Variants in CCDC191 observed in about 807,000 individuals in gnomAD.
CCDC191 encodes the protein coiled-coil domain containing 191, also known as coiled-coil domain-containing protein 191.
In CCDC191, 99 loss-of-function variants were observed where a neutral mutation model predicts 114.0. That is an observed-to-expected ratio of 0.87 (90% CI 0.74 to 1.03). CCDC191 has a LOEUF of 1.03. Among genes scored for constraint, CCDC191 ranks in the 50% least tolerant of loss-of-function variants. The pLI, the probability that CCDC191 is intolerant of heterozygous loss-of-function variation, is 0.00. For missense variants in CCDC191, 973 were observed against 1,087.0 expected (o/e 0.90, Z 1.47); for synonymous variants, 351 against 376.0 (o/e 0.93, Z 0.77).
chr3:114,018,625 A>C, intron 8 of CCDC191, 53 bp downstream of exon 8: 1 of 1,397,558 alleles, frequency 7.2e-7, no homozygotes, highest in Non-Finnish European at 9.8e-7. Context: ...ATTCTTCAGG[A>C]GGGAAATATC....
In CCDC191 at chr3:114,021,385, C is replaced by T. The variant is rs558352160; in HGVS notation, c.973-2517G>A. ...AAGTGACAAACCTGTATGGCAACTACTTTCTTGAAATTGACTTGCTATTGG... is the reference window on the plus strand; with the variant it reads ...AAGTGACAAACCTGTATGGCAACTATTTTCTTGAAATTGACTTGCTATTGG... On this transcript the variant is annotated intron_variant, in intron 7 of 16. Coordinates refer to ENST00000295878, the MANE Select transcript of CCDC191 (RefSeq NM_020817.2). Among the ~76,000 whole-genome samples, 3 of 152,106 alleles carry T rather than the reference C, an allele frequency of 2.0e-5. No homozygotes were observed. The South Asian group carries it at 6.2e-4, about 32-fold the overall frequency.
intron 7 of CCDC191, 111 bp from the exon 8 acceptor site, chr3:114,018,979 C>T (rs1559913733): frequency 2.2e-6 from 2 of 901,536 alleles, no homozygotes; most frequent in East Asian, 4.9e-5. Context: ...AAAACAAATA[C>T]AGGAACTGTT....
At chr3:113,976,726 A>G (rs1236867377) in intron 16 of CCDC191, among the ~76,000 whole-genome samples, 1 of 152,074 alleles carries the variant, frequency 6.6e-6, no homozygotes, top group Non-Finnish European at 1.5e-5. Context: ...TCTTCACAGC[A>G]ATCCATAAGA....
In CCDC191 at chr3:114,056,343, G is replaced by A. The variant is rs201393176; in HGVS notation, c.90+34C>T. The A allele has an allele frequency of 3.1e-6, 5 of 1,607,070 alleles. No homozygotes were observed. The East Asian group carries it at 8.9e-5, about 29-fold the overall frequency. On this transcript the variant is annotated intron_variant, in intron 1 of 16. Transcript: ENST00000295878. ...CCTGACTGCGCCGCGCCTTGGGAAAGTCCCCGCCCTCCAAAGCTCTCGATT... is the reference window on the plus strand; with the variant it reads ...CCTGACTGCGCCGCGCCTTGGGAAAATCCCCGCCCTCCAAAGCTCTCGATT...
At position 114,001,594 on chromosome 3, in the gene CCDC191, C is replaced by A; in HGVS notation, c.2163+1G>T. The A allele has an allele frequency of 6.2e-7, 1 of 1,613,530 alleles. No homozygotes were observed. The highest frequency in any genetic ancestry group is 8.5e-7 in the Non-Finnish European group (1 of 1,179,598). On this transcript the variant is annotated splice_donor_variant, in intron 13 of 16. Coordinates refer to ENST00000295878, the MANE Select transcript of CCDC191 (RefSeq NM_020817.2). LOFTEE classifies it high-confidence loss of function. ...GGACTGACCAAATAGACAATACTAA[C>A]CATTTTCTTCAGTCTCTTCTCTTCT...
Position 114,011,014 on chromosome 3 carries a change from GT to G in CCDC191, c.1170del (p.Gln390HisfsTer29), listed in dbSNP as rs1264142189. On this transcript the variant is annotated frameshift_variant, in exon 9 of 17. Coordinates refer to ENST00000295878, the MANE Select transcript of CCDC191 (RefSeq NM_020817.2). LOFTEE classifies it high-confidence loss of function. ...ENDLREENRKQQLATEYNRKQ... is the reference protein window; with the variant it reads ...ENDLREENRKXQLATEYNRKQ... Reference sequence around the variant, plus strand: ...TTCCGGTTATACTCAGTGGCCAGTTGTTGTTTTCTAAGCAACAAAGCACTTC... The same window carrying G: ...TTCCGGTTATACTCAGTGGCCAGTTGTGTTTTCTAAGCAACAAAGCACTTC... 1 of 1,610,172 alleles carries G rather than the reference GT, an allele frequency of 6.2e-7. No individual in the cohort carries two copies. Among genetic ancestry groups the G allele is most frequent in the Admixed American group, 1.7e-5 (1 of 59,536 alleles).
intron 7 of CCDC191, among the ~76,000 whole-genome samples, chr3:114,028,972 C>CTA (rs1463697648): frequency 1.3e-5 from 2 of 150,768 alleles, no homozygotes; most frequent in East Asian, 3.9e-4. Flanking sequence ...ATGTATATAT[C>CTA]TATATATATT....
At chr3:113,977,041 C>A (rs1941414596) in intron 16 of CCDC191, among the ~76,000 whole-genome samples, 1 of 152,124 alleles carries the variant, frequency 6.6e-6, no homozygotes, top group Non-Finnish European at 1.5e-5. Context: ...AAGATAGGAA[C>A]ACTATTACAA....
At chr3:114,036,885 C>T (rs775012805) in intron 4 of CCDC191, 99 bp from the exon 5 acceptor site, 3 of 760,282 alleles carry the variant, frequency 3.9e-6, no homozygotes, top group Non-Finnish European at 5.7e-6. Flanking sequence ...AATAAAAATA[C>T]AAAGCTGCGA....
At position 114,018,920 on chromosome 3, in the gene CCDC191, A is replaced by G. The variant is rs756606930; in HGVS notation, c.973-52T>C. The stretch of plus-strand genomic sequence containing the variant: ...CCACCCATCAGCGCTAGTGTTTCTA[A>G]TATCTAACACTGACAGCCCTCTCCT... On this transcript the variant is annotated intron_variant, in intron 7 of 16. Transcript: ENST00000295878. 12 of 1,518,154 alleles carry G rather than the reference A, an allele frequency of 7.9e-6. No individual in the cohort carries two copies. The South Asian group carries it at 1.1e-4, about 13-fold the overall frequency. 94.0% of individuals were successfully genotyped at this position (1,518,154 alleles called of 1,614,324 possible). A position where few individuals can be genotyped will look rare whatever the true frequency, so the allele number is the denominator to read the frequency against.
At position 114,005,353 on chromosome 3, in the gene CCDC191, A is replaced by T. The variant is rs190938088; in HGVS notation, c.1868+155T>A. 6.6e-5 allele frequency among the ~76,000 whole-genome samples: 10 copies of T among 152,368 alleles called. No homozygotes were observed. In the East Asian group the frequency reaches 1.9e-3, roughly 29 times the overall value. On this transcript the variant is annotated intron_variant, in intron 10 of 16. Transcript: ENST00000295878. The stretch of plus-strand genomic sequence containing the variant: ...GCATCCTTGACTATCTGTGCCTGTC[A>T]TATACTAGTCATAACTAGGCTTCTT...
chr3:114,011,967 T>C (rs1436414523), intron 8 of CCDC191, among the ~76,000 whole-genome samples: 1 of 152,202 alleles, frequency 6.6e-6, no homozygotes, highest in Non-Finnish European at 1.5e-5. Flanking sequence ...GTTCAAAATA[T>C]ACTGTTTAGA....
intron 16 of CCDC191, among the ~76,000 whole-genome samples, chr3:113,972,739 A>C (rs1158307610): frequency 1.3e-5 from 2 of 152,124 alleles, no homozygotes; most frequent in Non-Finnish European, 2.9e-5. Flanking sequence ...TGGGTGCTTG[A>C]TGTTGAGTGC....
At chr3:113,985,847 G>A (rs771697553) in intron 13 of CCDC191, among the ~76,000 whole-genome samples, 1 of 152,170 alleles carries the variant, frequency 6.6e-6, no homozygotes, top group Non-Finnish European at 1.5e-5. Flanking sequence ...GGCTAAATTA[G>A]TACAAATCTC....
intron 16 of CCDC191, among the ~76,000 whole-genome samples, chr3:113,967,120 A>G (rs1940265143): frequency 6.6e-6 from 1 of 151,478 alleles, no homozygotes; most frequent in Admixed American, 6.6e-5. Context: ...AAAAAGAAAA[A>G]AAGAAAAAGG....
In CCDC191 at chr3:114,036,726, T is replaced by G; in HGVS notation, c.476A>C (p.His159Pro). ...ESTTVQKFID[H>P]LLHKNVVDSA... ...ATCTACCACATTTTTATGGAGCAGA[T>G]GGTCTATAAATTTTTGAACGGTGGT... The change falls in exon 5 of 17, where the codon CAT becomes CCT. Residue 159 changes from histidine (H) to proline (P), a missense_variant. Coordinates refer to ENST00000295878, the MANE Select transcript of CCDC191 (RefSeq NM_020817.2). 1.3e-6 allele frequency: 2 copies of G among 1,597,116 alleles called. No individual in the cohort carries two copies. The highest frequency in any genetic ancestry group is 1.7e-6 in the Non-Finnish European group (2 of 1,170,660).
At chr3:113,985,645 T>G (rs1359251475) in intron 13 of CCDC191, among the ~76,000 whole-genome samples, 1 of 152,150 alleles carries the variant, frequency 6.6e-6, no homozygotes, top group Non-Finnish European at 1.5e-5. Context: ...TAATAGTGGA[T>G]TACAGCTGAG....
chr3:114,037,012 A>G (rs907436438), intron 4 of CCDC191: 2 of 253,662 alleles, frequency 7.9e-6, no homozygotes, highest in African/African-American at 2.2e-5. Context: ...CCAAGTCACT[A>G]AAGAGTCCTT....
Position 113,980,696 on chromosome 3 carries a change from A to G in CCDC191, c.2261T>C (p.Leu754Pro), listed in dbSNP as rs772909666. 10 of 1,609,446 alleles carry G rather than the reference A, an allele frequency of 6.2e-6. No individual in the cohort carries two copies. The highest frequency in any genetic ancestry group is 8.5e-6 in the Non-Finnish European group (10 of 1,178,676). ...CATTCTCAATCTCTTCCAAGGCTCTAGACCTTTTTTCCTTAGCAAGACCCT... is the reference window on the plus strand; with the variant it reads ...CATTCTCAATCTCTTCCAAGGCTCTGGACCTTTTTTCCTTAGCAAGACCCT... ...YERVLLRKKG[L>P]EPWKRLRMQS... Residue 754 changes from leucine to proline, a missense_variant, in exon 14 of 17, where the codon CTA becomes CCA. Physicochemically the swap from Leu to Pro is moderately conservative, Grantham distance 98. Transcript: ENST00000295878.
Sources: allele counts gnomAD v4.1 joint callset (sites outside exome capture counted in the v4.1 genomes callset), GRCh38; gene constraint gnomAD v4.1.1; transcripts MANE v1.5; gene names NCBI Gene and HGNC (gene_info 2026-07-23, HGNC 2026-07-21).